CWF19L2: variants seen among roughly 807,000 people sequenced by gnomAD.
CWF19L2 encodes CWF19 like cell cycle control factor 2, also known as CWF19-like protein 2.
Under a neutral mutation model 111.7 loss-of-function variants are expected in CWF19L2, and 98 were observed. The ratio of observed to expected loss-of-function variants is 0.88; its 90% CI spans 0.75 to 1.04. The LOEUF is 1.04. Among genes scored for constraint, CWF19L2 ranks in the 50% least tolerant of loss-of-function variants. The probability of loss-of-function intolerance (pLI) is 0.00; values close to 1 mark genes in which losing one functional copy is unlikely to be tolerated. For synonymous variants in CWF19L2, 351 were observed against 342.9 expected (o/e 1.02, Z -0.26); for missense variants, 1,101 against 1,051.4 (o/e 1.05, Z -0.65).
intron 13 of CWF19L2, among the ~76,000 whole-genome samples, chr11:107,349,412 A>G (rs1373597702): frequency 7.9e-5 from 12 of 152,070 alleles, no homozygotes; most frequent in South Asian, 4.1e-4. Flanking sequence ...AAACAACACA[A>G]TTTTCACAAA....
intron 10 of CWF19L2, among the ~76,000 whole-genome samples, chr11:107,410,106 A>G (rs1861135504): frequency 6.6e-6 from 1 of 152,126 alleles, no homozygotes; most frequent in African/African-American, 2.4e-5. Flanking sequence ...GTAACTTAAT[A>G]CTTCCAACAA....
chr11:107,395,788 C>A (rs7937821), intron 10 of CWF19L2, among the ~76,000 whole-genome samples: 1 of 152,032 alleles, frequency 6.6e-6, no homozygotes, highest in Non-Finnish European at 1.5e-5. Flanking sequence ...ATTTTTGGCA[C>A]ATGTATGTTA....
Position 107,326,916 on chromosome 11 carries a change from G to GT in CWF19L2, c.2678dup (p.Asn893LysfsTer69). 1 of 1,595,894 alleles carries GT rather than the reference G, an allele frequency of 6.3e-7. No individual in the cohort carries two copies. Among genetic ancestry groups the GT allele is most frequent in the East Asian group, 2.3e-5 (1 of 44,162 alleles). ...TTAAAATGGAAGGTACACCTCAATAGTTTTTACTTTTGGTGAAGTCATATG... is the reference window on the plus strand; with the variant it reads ...TTAAAATGGAAGGTACACCTCAATAGTTTTTTACTTTTGGTGAAGTCATATG... On this transcript the variant is annotated frameshift_variant, in exon 18 of 18. Coordinates refer to ENST00000282251, the MANE Select transcript of CWF19L2 (RefSeq NM_152434.3). LOFTEE classifies it high-confidence loss of function.
chr11:107,345,492 T>C (rs1303923216), intron 14 of CWF19L2: 1 of 461,658 alleles, frequency 2.2e-6, no homozygotes, highest in African/African-American at 2.0e-5. Flanking sequence ...AGATTTTATC[T>C]GGAGAATAGT....
At chr11:107,433,568 C>T (rs377489623) in intron 7 of CWF19L2, 66 bp downstream of exon 7, 1 of 581,982 alleles carries the variant, frequency 1.7e-6, no homozygotes, top group Non-Finnish European at 2.8e-6. Flanking sequence ...CAAAACAAAG[C>T]TAAAGGCACT....
chr11:107,362,570 C>T (rs1223756458), intron 12 of CWF19L2, among the ~76,000 whole-genome samples: 1 of 152,048 alleles, frequency 6.6e-6, no homozygotes, highest in Non-Finnish European at 1.5e-5. Context: ...CAGACTGACA[C>T]CTCACATGGC....
intron 12 of CWF19L2, among the ~76,000 whole-genome samples, chr11:107,363,114 G>T (rs926855513): frequency 5.3e-5 from 8 of 152,070 alleles, no homozygotes; most frequent in Non-Finnish European, 7.4e-5. Context: ...GAGAAGGGAA[G>T]TTTAGAGAAA....
chr11:107,330,651 C>G (rs1312803134), intron 16 of CWF19L2, among the ~76,000 whole-genome samples: 1 of 47,806 alleles, frequency 2.1e-5, no homozygotes, highest in African/African-American at 8.2e-5. Flanking sequence ...CCACCACACA[C>G]ACACACACAC....
rs892090837 is a variant in CWF19L2, at chr11:107,370,791, T to C, written c.1873-17055A>G. Among the ~76,000 whole-genome samples, 16 of 137,288 alleles carry C rather than the reference T, an allele frequency of 1.2e-4. 3 individuals carry two copies. Among genetic ancestry groups the C allele is most frequent in the Non-Finnish European group, 2.2e-4 (14 of 64,266 alleles). 90.1% of individuals were successfully genotyped at this position (137,288 alleles called of 152,430 possible). A position where few individuals can be genotyped will look rare whatever the true frequency, so the allele number is the denominator to read the frequency against. On this transcript the variant is annotated intron_variant, in intron 12 of 17. Transcript: ENST00000282251. ...GTTGGCTTTGACAAACAGGTGGCAA[T>C]GTTTTTCATTAGAATATTTGTATGT...
intron 12 of CWF19L2, among the ~76,000 whole-genome samples, chr11:107,388,590 C>T (rs1249063318): frequency 6.6e-6 from 1 of 152,100 alleles, no homozygotes; most frequent in Non-Finnish European, 1.5e-5. Context: ...CTATGTTGGC[C>T]AGGCTGGTCT....
rs1860548674 is a variant in CWF19L2 at position 107,373,535 on chromosome 11, C to T, written c.1872+16539G>A. Reference sequence around the variant, plus strand: ...GACTGACACCTCACATGGCTGGGTACTTCAACAGACCTGCAGCTGAGGGTC... The same window carrying T: ...GACTGACACCTCACATGGCTGGGTATTTCAACAGACCTGCAGCTGAGGGTC... On this transcript the variant is annotated intron_variant, in intron 12 of 17. Coordinates refer to ENST00000282251, the MANE Select transcript of CWF19L2 (RefSeq NM_152434.3). Among the ~76,000 whole-genome samples, 2 of 127,192 alleles carry T rather than the reference C, an allele frequency of 1.6e-5. 1 individual carries two copies. Among genetic ancestry groups the T allele is most frequent in the Admixed American group, 1.5e-4 (2 of 13,312 alleles). 83.4% of individuals were successfully genotyped at this position (127,192 alleles called of 152,430 possible). A position where few individuals can be genotyped will look rare whatever the true frequency, so the allele number is the denominator to read the frequency against.
At chr11:107,335,860 C>G (rs1380441054) in intron 15 of CWF19L2, among the ~76,000 whole-genome samples, 1 of 152,096 alleles carries the variant, frequency 6.6e-6, no homozygotes. Context: ...TTAAAAGGCA[C>G]CAGTTGCTTG....
At chr11:107,329,735 G>C (rs1433297496) in intron 17 of CWF19L2, among the ~76,000 whole-genome samples, 183 bp downstream of exon 17, 1 of 152,012 alleles carries the variant, frequency 6.6e-6, no homozygotes, top group African/African-American at 2.4e-5. Flanking sequence ...AACATTCCTG[G>C]CTCTGTTATA....
chr11:107,419,176 G>A (rs1451731182), intron 8 of CWF19L2, among the ~76,000 whole-genome samples: 2 of 152,318 alleles, frequency 1.3e-5, no homozygotes, highest in East Asian at 3.9e-4. Flanking sequence ...AGTCCCACTA[G>A]CTAGACTAGG....
chr11:107,345,229 T>G (rs1316630841), intron 14 of CWF19L2, among the ~76,000 whole-genome samples: 2 of 140,334 alleles, frequency 1.4e-5, no homozygotes, highest in Non-Finnish European at 3.1e-5. Flanking sequence ...TTAAGAAAAC[T>G]TTATTGTTAC....
chr11:107,351,909 A>G (rs1204552806), intron 13 of CWF19L2, among the ~76,000 whole-genome samples: 1 of 152,196 alleles, frequency 6.6e-6, no homozygotes, highest in African/African-American at 2.4e-5. Flanking sequence ...ACAAAACAGA[A>G]TGATTTAAAT....
In CWF19L2 at chr11:107,380,046, C is replaced by CAAAAAAAAAAAAAAA. The variant is rs66699460; in HGVS notation, c.1872+10013_1872+10027dup. Among the ~76,000 whole-genome samples the CAAAAAAAAAAAAAAA allele has an allele frequency of 3.8e-4, 13 of 34,486 alleles. 2 individuals carry two copies. The highest frequency in any genetic ancestry group is 5.1e-4 in the Non-Finnish European group (10 of 19,580). 22.6% of individuals were successfully genotyped at this position (34,486 alleles called of 152,430 possible). On this transcript the variant is annotated intron_variant, in intron 12 of 17. Coordinates refer to ENST00000282251, the MANE Select transcript of CWF19L2 (RefSeq NM_152434.3). Reference sequence around the variant, plus strand: ...TGGGCGACAGAGCGAGACACCGTCTCAAAAAAAAAAAAAAAAAAAAAAAAA... The same window carrying CAAAAAAAAAAAAAAA: ...TGGGCGACAGAGCGAGACACCGTCTCAAAAAAAAAAAAAAAAAAAAAAAAAAAAAAAAAAAAAAAA...
chr11:107,341,319 T>TA (rs1162048810), intron 14 of CWF19L2, among the ~76,000 whole-genome samples: 2 of 152,228 alleles, frequency 1.3e-5, no homozygotes, highest in African/African-American at 4.8e-5. Flanking sequence ...TGAGAGTTTT[T>TA]ATCATAAATG....
intron 3 of CWF19L2, among the ~76,000 whole-genome samples, chr11:107,443,956 A>G (rs1205182385): frequency 6.6e-6 from 1 of 152,042 alleles, no homozygotes; most frequent in Non-Finnish European, 1.5e-5. Context: ...AACTCCTCCT[A>G]TTTAAGGCAG....
Sources: gnomAD v4.1 joint callset for allele counts (sites outside exome capture counted in the v4.1 genomes callset) on GRCh38, gnomAD v4.1.1 for gene constraint, MANE v1.5 for transcripts, NCBI Gene and HGNC (gene_info 2026-07-23, HGNC 2026-07-21) for gene names.